The following KIAA1217 variants were observed in gnomAD, a reference collection of about 807,000 sequenced individuals.
KIAA1217 encodes the protein sickle tail protein homolog.
A neutral mutation model predicts 163.9 loss-of-function variants in KIAA1217; 88 were observed. That is an observed-to-expected ratio of 0.54 (90% CI 0.45 to 0.64). The LOEUF is 0.64. Among genes scored for constraint, KIAA1217 ranks in the 30% least tolerant of loss-of-function variants. The pLI, the probability that KIAA1217 is intolerant of heterozygous loss-of-function variation, is 0.00. For synonymous variants in KIAA1217, 903 were observed against 923.1 expected (o/e 0.98, Z 0.39); for missense variants, 2,372 against 2,475.0 (o/e 0.96, Z 0.88).
chr10:24,210,390 G>A (rs1378014256), intron 1 of KIAA1217, among the ~76,000 whole-genome samples: 1 of 152,124 alleles, frequency 6.6e-6, no homozygotes, highest in Non-Finnish European at 1.5e-5. Flanking sequence ...TGCTGCCAAA[G>A]CACAGCACTC....
At position 24,083,663 on chromosome 10, in the gene KIAA1217, A is replaced by G. The variant is rs905097745; in HGVS notation, c.-171+76289A>G. On this transcript the variant is annotated intron_variant, in intron 2 of 18. Transcript: ENST00000376462. ...CATTTCTAAATATGTTTTCCATCCA[A>G]TGTTAATGAGATTATGGTGGCCTAA... 3.3e-5 allele frequency among the ~76,000 whole-genome samples: 5 copies of G among 152,222 alleles called. 1 individual carries two copies. The East Asian group carries it at 9.6e-4, about 29-fold the overall frequency.
chr10:24,544,953 T>G (rs763435833), intron 19 of KIAA1217, 28 bp from the exon 20 acceptor site: 2 of 1,608,704 alleles, frequency 1.2e-6, no homozygotes, highest in African/African-American at 2.7e-5. Context: ...TCTCCTTCTC[T>G]TCCCCCTCTC....
At chr10:24,446,615 A>G (rs1334938076) in intron 5 of KIAA1217, among the ~76,000 whole-genome samples, 1 of 152,232 alleles carries the variant, frequency 6.6e-6, no homozygotes, top group Non-Finnish European at 1.5e-5. Flanking sequence ...TAATCTATTT[A>G]GAGATCGTTT....
chr10:23,850,212 C>T (rs994294447), intron 1 of KIAA1217, among the ~76,000 whole-genome samples: 7 of 152,100 alleles, frequency 4.6e-5, no homozygotes, highest in African/African-American at 1.2e-4. Flanking sequence ...CAGAATAGTT[C>T]ACTCCATGGT....
At chr10:24,291,968 C>A (rs778189436) in intron 2 of KIAA1217, among the ~76,000 whole-genome samples, 2 of 151,964 alleles carry the variant, frequency 1.3e-5, no homozygotes, top group African/African-American at 2.4e-5. Context: ...AGAAACTAGA[C>A]CCTGAAATAA....
intron 2 of KIAA1217, among the ~76,000 whole-genome samples, chr10:24,135,894 A>T (rs1226788639): frequency 6.6e-6 from 1 of 152,120 alleles, no homozygotes; most frequent in East Asian, 1.9e-4. Flanking sequence ...GTAAGTAAAA[A>T]CTGTCTCTGG....
intron 1 of KIAA1217, among the ~76,000 whole-genome samples, chr10:23,947,542 A>G (rs1844112826): frequency 6.6e-6 from 1 of 152,260 alleles, no homozygotes; most frequent in Non-Finnish European, 1.5e-5. Flanking sequence ...ACATTATTTT[A>G]CATTTCATAA....
At chr10:24,278,287 C>T (rs1178978281) in intron 2 of KIAA1217, among the ~76,000 whole-genome samples, 3 of 152,152 alleles carry the variant, frequency 2.0e-5, no homozygotes, top group African/African-American at 7.2e-5. Flanking sequence ...AGGCCGGAAA[C>T]CTAGAACTCA....
chr10:24,076,144 G>T (rs2061361774), intron 2 of KIAA1217, among the ~76,000 whole-genome samples: 1 of 152,110 alleles, frequency 6.6e-6, no homozygotes, highest in African/African-American at 2.4e-5. Context: ...GGCAGATATT[G>T]GGCTGCCTTC....
At chr10:23,780,217 A>G (rs1311851449) in intron 1 of KIAA1217, among the ~76,000 whole-genome samples, 2 of 152,248 alleles carry the variant, frequency 1.3e-5, no homozygotes, top group African/African-American at 4.8e-5. Context: ...AATGGTGAGT[A>G]CAGTTGCACA....
In KIAA1217 at chr10:24,081,507, T is replaced by G. The variant is rs188518672; in HGVS notation, c.-171+74133T>G. Among the ~76,000 whole-genome samples, 332 of 152,310 alleles carry G rather than the reference T, an allele frequency of 2.2e-3. 1 individual carries two copies. The highest frequency in any genetic ancestry group is 3.5e-3 in the Non-Finnish European group (239 of 68,032). On this transcript the variant is annotated intron_variant, in intron 2 of 18. Transcript: ENST00000376462. The stretch of plus-strand genomic sequence containing the variant: ...CTCATGCCGGACATTTATCTGCTGA[T>G]GGAGCCTCTTCCTCCTCGTTCCTTC...
chr10:24,392,517 T>G (rs1357266598), intron 3 of KIAA1217, among the ~76,000 whole-genome samples: 1 of 152,198 alleles, frequency 6.6e-6, no homozygotes, highest in African/African-American at 2.4e-5. Context: ...AGCCCTCAGA[T>G]GGTTGGTCCT....
At chr10:24,391,458 C>A (rs1182475300) in intron 3 of KIAA1217, among the ~76,000 whole-genome samples, 1 of 148,736 alleles carries the variant, frequency 6.7e-6, no homozygotes, top group Admixed American at 6.9e-5. Context: ...AATTCTTGTG[C>A]TTCAGCCTCC....
At chr10:24,366,934 T>C (rs948153480) in intron 2 of KIAA1217, among the ~76,000 whole-genome samples, 1 of 152,210 alleles carries the variant, frequency 6.6e-6, no homozygotes, top group Non-Finnish European at 1.5e-5. Flanking sequence ...GGCTTCAACA[T>C]GTCTTTCTAA....
chr10:23,729,733 G>A (rs981278404), intron 1 of KIAA1217, among the ~76,000 whole-genome samples: 7 of 151,988 alleles, frequency 4.6e-5, no homozygotes, highest in Admixed American at 4.6e-4. Flanking sequence ...TCAGTCAGTG[G>A]CTTGTCTTCT....
At chr10:23,896,854 T>G (rs1841728989) in intron 1 of KIAA1217, among the ~76,000 whole-genome samples, 1 of 152,082 alleles carries the variant, frequency 6.6e-6, no homozygotes, top group Admixed American at 6.6e-5. Context: ...ATAGACTTCT[T>G]AAAATGAACC....
At chr10:24,073,843 A>G (rs1041831840) in intron 2 of KIAA1217, among the ~76,000 whole-genome samples, 10 of 152,156 alleles carry the variant, frequency 6.6e-5, no homozygotes, top group Admixed American at 4.6e-4. Context: ...TGCCCTAGGA[A>G]GTAGGTAGGT....
intron 2 of KIAA1217, among the ~76,000 whole-genome samples, chr10:24,350,092 C>T (rs775374291): frequency 3.3e-5 from 5 of 152,150 alleles, no homozygotes; most frequent in Non-Finnish European, 7.4e-5. Context: ...TTTTGTTTTG[C>T]CCCCGTCCCC....
intron 2 of KIAA1217, among the ~76,000 whole-genome samples, chr10:24,162,323 C>T (rs867214320): frequency 6.6e-6 from 1 of 152,350 alleles, no homozygotes; most frequent in South Asian, 2.1e-4. Flanking sequence ...TCTCTGTGAA[C>T]ATCAAACTGC....
Sources: allele counts gnomAD v4.1 joint callset (sites outside exome capture counted in the v4.1 genomes callset), GRCh38; gene constraint gnomAD v4.1.1; transcripts MANE v1.5; gene names NCBI Gene and HGNC (gene_info 2026-07-23, HGNC 2026-07-21).